DISC1: variants seen among roughly 807,000 people sequenced by gnomAD.
The protein encoded by DISC1 is disrupted in schizophrenia 1 protein.
DISC1 carries 57 observed loss-of-function variants against 84.5 expected under a neutral mutation model. That is an observed-to-expected ratio of 0.67 (90% confidence interval 0.55 to 0.84). The LOEUF (loss-of-function observed/expected upper bound fraction) is 0.84, where lower values mean the gene tolerates loss of function less well. Ranked by LOEUF, DISC1 falls within the 40% of genes least tolerant of loss-of-function variation. The pLI, the probability that DISC1 is intolerant of heterozygous loss-of-function variation, is 0.00. For synonymous variants in DISC1, 411 were observed against 415.2 expected (o/e 0.99, Z 0.12); for missense variants, 1,000 against 1,057.8 (o/e 0.95, Z 0.76).
Position 231,722,427 on chromosome 1 carries a change from C to T in DISC1, c.1117+20403C>T, listed in dbSNP as rs753239660. On this transcript the variant is annotated intron_variant, in intron 3 of 12. Coordinates refer to ENST00000439617, the MANE Select transcript of DISC1 (RefSeq NM_018662.3). Reference sequence around the variant, plus strand: ...ATAGATCTTTCTACTTATCCACACTCGAACAAGTGTGTCCAGCATAAACAT... The same window carrying T: ...ATAGATCTTTCTACTTATCCACACTTGAACAAGTGTGTCCAGCATAAACAT... 5 of 1,532,482 alleles carry T rather than the reference C, an allele frequency of 3.3e-6. No homozygotes were observed. The Admixed American group carries it at 5.5e-5, about 17-fold the overall frequency. 94.9% of individuals were successfully genotyped at this position (1,532,482 alleles called of 1,614,324 possible). A position where few individuals can be genotyped will look rare whatever the true frequency, so the allele number is the denominator to read the frequency against.
intron 1 of DISC1, chr1:231,684,653 A>G (rs1309935357): frequency 6.6e-6 from 1 of 152,098 alleles, no homozygotes; most frequent in Non-Finnish European, 1.5e-5. Flanking sequence ...GCACGTATCT[A>G]TCTCTTGTGC....
intron 3 of DISC1, among the ~76,000 whole-genome samples, chr1:231,717,326 T>C (rs1004404786): frequency 1.3e-5 from 2 of 152,224 alleles, no homozygotes; most frequent in African/African-American, 4.8e-5. Flanking sequence ...CCAAAGGGCA[T>C]CTCACGAGTG....
chr1:231,751,402 T>C (rs1426470513), intron 4 of DISC1, among the ~76,000 whole-genome samples: 1 of 152,230 alleles, frequency 6.6e-6, no homozygotes, highest in Admixed American at 6.5e-5. Context: ...GCTTTAGAAG[T>C]TACTCATTTA....
chr1:231,771,659 T>C (rs1014500020), intron 6 of DISC1: 2 of 900,126 alleles, frequency 2.2e-6, no homozygotes, highest in Non-Finnish European at 2.7e-6. Context: ...AAAGTCCTAA[T>C]TAATAAGAGA....
At chr1:231,846,232 C>T (rs1035237788) in intron 9 of DISC1, among the ~76,000 whole-genome samples, 10 of 152,138 alleles carry the variant, frequency 6.6e-5, no homozygotes, top group African/African-American at 2.4e-4. Context: ...GAGGAGGCAG[C>T]TTTCAGAAGG....
At chr1:231,854,718 CTTT>C (rs11331915) in intron 9 of DISC1, 229 of 123,860 alleles carry the variant, frequency 1.8e-3, no homozygotes, top group South Asian at 8.0e-3. Context: ...TAAAATAATT[CTTT>C]TTTTTTTTTT....
chr1:231,644,536 G>A (rs1482069323), intron 1 of DISC1, among the ~76,000 whole-genome samples: 2 of 152,154 alleles, frequency 1.3e-5, no homozygotes, highest in East Asian at 3.9e-4. Context: ...TGATAGTAAG[G>A]AAGGGGTGAG....
intron 1 of DISC1, among the ~76,000 whole-genome samples, chr1:231,648,118 G>C (rs1203900870): frequency 1.3e-5 from 2 of 152,238 alleles, no homozygotes; most frequent in Non-Finnish European, 2.9e-5. Flanking sequence ...TGCTGAGAGA[G>C]GGCATCCCTG....
chr1:231,636,042 G>A (rs201194544), intron 1 of DISC1, among the ~76,000 whole-genome samples: 2 of 152,180 alleles, frequency 1.3e-5, no homozygotes, highest in Non-Finnish European at 2.9e-5. Flanking sequence ...TGGATGGATA[G>A]ATGGAGGAAG....
At chr1:231,884,012 G>A (rs2086484421) in intron 9 of DISC1, among the ~76,000 whole-genome samples, 1 of 152,090 alleles carries the variant, frequency 6.6e-6, no homozygotes, top group South Asian at 2.1e-4. Context: ...CTTGCCCAGG[G>A]TGGGTGGCAG....
At chr1:231,690,291 C>A (rs1284158026) in intron 1 of DISC1, among the ~76,000 whole-genome samples, 1 of 152,190 alleles carries the variant, frequency 6.6e-6, no homozygotes, top group African/African-American at 2.4e-5. Flanking sequence ...TGTTGCGGAA[C>A]AAGAGTCCTC....
chr1:231,809,517 T>C (rs984520513), intron 8 of DISC1, among the ~76,000 whole-genome samples: 4 of 121,894 alleles, frequency 3.3e-5, no homozygotes, highest in African/African-American at 1.2e-4. Flanking sequence ...AAAAGCCTTT[T>C]TTTTTTGAAA....
intron 3 of DISC1, among the ~76,000 whole-genome samples, chr1:231,711,383 CAG>C (rs1394100407): frequency 8.6e-6 from 1 of 116,264 alleles, no homozygotes; most frequent in African/African-American, 3.4e-5. Context: ...TTTTTTGAGA[CAG>C]AGTCTTGCTC....
chr1:231,952,799 A>G (rs1179250383), intron 9 of DISC1, among the ~76,000 whole-genome samples: 1 of 151,526 alleles, frequency 6.6e-6, no homozygotes, highest in Non-Finnish European at 1.5e-5. Flanking sequence ...ACATTTTACA[A>G]ACAATGAGAT....
chr1:231,772,875 A>G (rs934021744), intron 6 of DISC1, among the ~76,000 whole-genome samples: 5 of 151,702 alleles, frequency 3.3e-5, no homozygotes, highest in African/African-American at 1.2e-4. Context: ...TCCAGGCAGA[A>G]CTCTCCATGG....
At chr1:231,699,999 C>T (rs1442858777) in intron 2 of DISC1, among the ~76,000 whole-genome samples, 2 of 152,180 alleles carry the variant, frequency 1.3e-5, no homozygotes, top group Non-Finnish European at 2.9e-5. Context: ...GAATATTTTT[C>T]TCCCAGACAG....
chr1:231,947,660 A>T (rs1475140147), intron 9 of DISC1, among the ~76,000 whole-genome samples: 1 of 152,206 alleles, frequency 6.6e-6, no homozygotes, highest in Non-Finnish European at 1.5e-5. Flanking sequence ...TATCATCAGC[A>T]TGAACAGGCA....
chr1:231,739,113 G>A (rs573487784), intron 3 of DISC1, among the ~76,000 whole-genome samples: 1 of 152,252 alleles, frequency 6.6e-6, no homozygotes, highest in South Asian at 2.1e-4. Context: ...TTCTCAGTAG[G>A]TAAATATAGA....
chr1:231,874,051 T>C (rs2085667600), intron 9 of DISC1, among the ~76,000 whole-genome samples: 1 of 151,356 alleles, frequency 6.6e-6, no homozygotes, highest in Non-Finnish European at 1.5e-5. Context: ...TTTCACTATG[T>C]TGGCCAGGCT....
Sources: allele counts gnomAD v4.1 joint callset (sites outside exome capture counted in the v4.1 genomes callset), GRCh38; gene constraint gnomAD v4.1.1; transcripts MANE v1.5; gene names NCBI Gene and HGNC (gene_info 2026-07-23, HGNC 2026-07-21).